Variants in PEAR1 observed in about 807,000 individuals in gnomAD.
PEAR1 encodes multiple EGF-like domains protein 12.
A neutral mutation model predicts 131.2 loss-of-function variants in PEAR1; 113 were observed. The observed-to-expected ratio is 0.86, with a 90% confidence interval of 0.74 to 1.01. PEAR1 has a LOEUF of 1.01. PEAR1 is among the 50% of genes least tolerant of loss of function. The pLI is 0.00. For synonymous variants in PEAR1, 565 were observed against 523.3 expected (o/e 1.08, Z -1.09); for missense variants, 1,408 against 1,391.1 (o/e 1.01, Z -0.19).
In PEAR1 at chr1:156,912,941, A is replaced by T; in HGVS notation, c.2381A>T (p.Tyr794Phe). The T allele has an allele frequency of 2.5e-6, 4 of 1,614,220 alleles. No individual in the cohort carries two copies. The highest frequency in any genetic ancestry group is 3.4e-6 in the Non-Finnish European group (4 of 1,180,042). Residue 794 changes from tyrosine to phenylalanine, a missense_variant, in exon 18 of 23, where the codon TAC becomes TTC. By Grantham distance (22) the Tyr-to-Phe change is conservative. Transcript: ENST00000292357. ...GKEHHHLAVAYSSGRLDGSEY... is the reference protein window; with the variant it reads ...GKEHHHLAVAFSSGRLDGSEY... ...GAGCACCACCACCTGGCTGTGGCTT[A>T]CAGCAGCGGGCGCCTGGACGGCTCC...
chr1:156,897,950 C>T (rs990046107), intron 1 of PEAR1, among the ~76,000 whole-genome samples: 2 of 151,898 alleles, frequency 1.3e-5, no homozygotes, highest in Non-Finnish European at 1.5e-5. Flanking sequence ...GGGCAGTGGC[C>T]AGAGCACTTT....
At chr1:156,896,460 G>A (rs1358234739) in intron 1 of PEAR1, among the ~76,000 whole-genome samples, 1 of 152,208 alleles carries the variant, frequency 6.6e-6, no homozygotes, top group Non-Finnish European at 1.5e-5. Flanking sequence ...CTACCAAATG[G>A]GGATGACAAT....
In PEAR1 at chr1:156,914,781, C is replaced by T. The variant is rs147358077; in HGVS notation, c.3097C>T (p.Arg1033Ter). Residue 1033 changes from arginine to a stop codon, truncating the protein, a stop_gained, in exon 23 of 23, where the codon CGA becomes TGA. Coordinates refer to ENST00000292357, the MANE Select transcript of PEAR1 (RefSeq NM_001080471.3). LOFTEE classifies it high-confidence loss of function. ...ACGGCATCCCCCATCACCTCCACTT[C>T]GACGCCAGGACCGTTGAGGAGCCAG... ...PVRHPPSPPL[R>*]RQDR The T allele has an allele frequency of 2.8e-5, 45 of 1,613,816 alleles. No homozygotes were observed. The highest frequency in any genetic ancestry group is 4.5e-5 in the East Asian group (2 of 44,884).
rs1650154792 is a variant in PEAR1, at chr1:156,905,320, G to T, written c.207-4G>T. The T allele has an allele frequency of 1.2e-6, 2 of 1,610,482 alleles. No individual in the cohort carries two copies. The highest frequency in any genetic ancestry group is 1.7e-6 in the Non-Finnish European group (2 of 1,179,496). On this transcript the variant is annotated splice_region_variant and splice_polypyrimidine_tract_variant and intron_variant, in intron 3 of 22. Coordinates refer to ENST00000292357, the MANE Select transcript of PEAR1 (RefSeq NM_001080471.3). ...GCTGAGGGCCGCCTTCCTGGCCTCC[G>T]CAGGGTTGTATACCGGACCGTGTAC...
Position 156,910,736 on chromosome 1 carries a change from C to T in PEAR1, c.1944C>T (p.Cys648=). 6.2e-7 allele frequency: 1 copy of T among 1,614,098 alleles called. No individual in the cohort carries two copies. Among genetic ancestry groups the T allele is most frequent in the Non-Finnish European group, 8.5e-7 (1 of 1,180,014 alleles). The change falls in exon 15 of 23, where the codon TGC becomes TGT. Residue 648 remains cysteine, a synonymous_variant. Coordinates refer to ENST00000292357, the MANE Select transcript of PEAR1 (RefSeq NM_001080471.3). ...YCLAGWTGPD[C]SQPCPPGHWG... ...TGGCTGGCTGGACAGGCCCCGACTG[C>T]TCCCAGCGTATGTGGTAGCTTGTGT... is the stretch of plus-strand genomic sequence containing the variant.
Position 156,898,846 on chromosome 1 carries a change from A to G in PEAR1, c.-10+5009A>G, listed in dbSNP as rs1023909979. 4.6e-5 allele frequency among the ~76,000 whole-genome samples: 7 copies of G among 152,360 alleles called. No individual in the cohort carries two copies. In the South Asian group the frequency reaches 1.4e-3, roughly 32 times the overall value. ...CAGTAAATACACCGTGCAACTGTAC[A>G]TGGCAGCCTTAGTATAGGAACGGAA... On this transcript the variant is annotated intron_variant, in intron 1 of 22. Coordinates refer to ENST00000292357, the MANE Select transcript of PEAR1 (RefSeq NM_001080471.3).
chr1:156,905,364 G>C lies in PEAR1; in HGVS notation c.247G>C (p.Asp83His). Reference sequence around the variant, plus strand: ...CGTGTACCGTCAGGTGGTGAAGACGGACCACCGCCAGCGCCTGCAGTGCTG... The same window carrying C: ...CGTGTACCGTCAGGTGGTGAAGACGCACCACCGCCAGCGCCTGCAGTGCTG... The part of the protein sequence containing the change: ...RTVYRQVVKT[D>H]HRQRLQCCHG... Residue 83 changes from aspartate (D) to histidine (H), a missense_variant, in exon 4 of 23, where the codon GAC becomes CAC. Asp to His is a moderately conservative substitution (Grantham distance 81). Transcript: ENST00000292357. 2 of 1,611,898 alleles carry C rather than the reference G, an allele frequency of 1.2e-6. No homozygotes were observed. Among genetic ancestry groups the C allele is most frequent in the East Asian group, 4.5e-5 (2 of 44,874 alleles).
chr1:156,910,743 C>T lies in PEAR1; in HGVS notation c.1951C>T (p.Pro651Ser), dbSNP rs751608905. Reference sequence around the variant, plus strand: ...CTGGACAGGCCCCGACTGCTCCCAGCGTATGTGGTAGCTTGTGTGTCTGAG... The same window carrying T: ...CTGGACAGGCCCCGACTGCTCCCAGTGTATGTGGTAGCTTGTGTGTCTGAG... ...AGWTGPDCSQ[P>S]CPPGHWGENC... The change falls in exon 15 of 23, where the codon CCA (proline) becomes TCA (serine). Residue 651 changes from proline to serine, a missense_variant and splice_region_variant. Physicochemically the swap from Pro to Ser is moderately conservative, Grantham distance 74. Transcript: ENST00000292357. The T allele has an allele frequency of 1.9e-6, 3 of 1,613,972 alleles. No homozygotes were observed. Among genetic ancestry groups the T allele is most frequent in the East Asian group, 4.5e-5 (2 of 44,892 alleles).
Position 156,908,568 on chromosome 1 carries a change from G to T in PEAR1, c.1116-87G>T. The T allele has an allele frequency of 7.5e-7, 1 of 1,339,968 alleles. No individual in the cohort carries two copies. Among genetic ancestry groups the T allele is most frequent in the South Asian group, 1.5e-5 (1 of 67,360 alleles). The allele number at this position is 1,339,968 out of a possible 1,614,324, so 83.0% of individuals were successfully genotyped here. A position where few individuals can be genotyped will look rare whatever the true frequency, so the allele number is the denominator to read the frequency against. On this transcript the variant is annotated intron_variant, in intron 9 of 22. Coordinates refer to ENST00000292357, the MANE Select transcript of PEAR1 (RefSeq NM_001080471.3). This position sits in a 1 kb window ranked among gnomAD's most constrained non-coding sequence, Gnocchi z 4.2. ...TGACCCCCTTACCCCAGCGATGTGCGAATCCCACTGACCACGCGGAGGGGT... is the reference window on the plus strand; with the variant it reads ...TGACCCCCTTACCCCAGCGATGTGCTAATCCCACTGACCACGCGGAGGGGT...
At position 156,908,103 on chromosome 1, in the gene PEAR1, C is replaced by T; in HGVS notation, c.903-25C>T. 6.3e-7 allele frequency: 1 copy of T among 1,588,936 alleles called. No homozygotes were observed. The highest frequency in any genetic ancestry group is 1.7e-5 in the Admixed American group (1 of 57,688). On this transcript the variant is annotated intron_variant, in intron 8 of 22. Transcript: ENST00000292357. This position sits in a 1 kb window ranked among gnomAD's most constrained non-coding sequence, Gnocchi z 4.2. ...CGGGAGGGAGGAGGTGGGGCGCCGC[C>T]AGGCTCACTCAGCTAGGTGCCCAGG... is the stretch of plus-strand genomic sequence containing the variant.
chr1:156,905,257 C>G, intron 3 of PEAR1, 67 bp from the exon 4 acceptor site: 1 of 1,517,034 alleles, frequency 6.6e-7, no homozygotes, highest in Non-Finnish European at 9.0e-7. Flanking sequence ...CCTGGCCTCC[C>G]CCTGGCCACA....
At chr1:156,911,793 C>A (rs1044506038) in intron 15 of PEAR1, among the ~76,000 whole-genome samples, 1 of 152,066 alleles carries the variant, frequency 6.6e-6, no homozygotes, top group African/African-American at 2.4e-5. Context: ...TACCAGCAGG[C>A]GGGGTAAAGA....
Position 156,913,179 on chromosome 1 carries a change from G to A in PEAR1, c.2423-15G>A, listed in dbSNP as rs762353338. On this transcript the variant is annotated splice_polypyrimidine_tract_variant and intron_variant, in intron 18 of 22. Transcript: ENST00000292357. ...CCATCGCTGAGCTCACCCTGTGCTT[G>A]TGTCTGTCATGCAGATGTCCCTCCG... is the stretch of plus-strand genomic sequence containing the variant. The A allele has an allele frequency of 5.0e-6, 8 of 1,611,556 alleles. No homozygotes were observed. Among genetic ancestry groups the A allele is most frequent in the Non-Finnish European group, 6.8e-6 (8 of 1,178,558 alleles).
chr1:156,908,681 C>T lies in PEAR1; in HGVS notation c.1142C>T (p.Ser381Phe), dbSNP rs77795865. The T allele has an allele frequency of 0.03, 45,989 of 1,534,032 alleles. 818 individuals are homozygous for T. Among genetic ancestry groups the T allele is most frequent in the Non-Finnish European group, 0.036 (40,761 of 1,145,380 alleles). Residue 381 changes from serine to phenylalanine, a missense_variant, in exon 10 of 23, where the codon TCC (serine) becomes TTC (phenylalanine). Ser to Phe is a radical substitution (Grantham distance 155). Transcript: ENST00000292357. The surrounding 1 kb of genome is among the most constrained non-coding windows in gnomAD (Gnocchi z 4.2). ...LSCHPMNGECSCLPGWAGLHC... is the reference protein window; with the variant it reads ...LSCHPMNGECFCLPGWAGLHC... ...TGCCACCCGATGAACGGGGAGTGCT[C>T]CTGCCTGCCGGGCTGGGCGGGCCTC...
At chr1:156,911,098 C>CA (rs1651077302) in intron 15 of PEAR1, among the ~76,000 whole-genome samples, 1 of 116,426 alleles carries the variant, frequency 8.6e-6, no homozygotes. Flanking sequence ...TCTTTCCTTT[C>CA]TTTCTTTCTT....
intron 1 of PEAR1, among the ~76,000 whole-genome samples, chr1:156,897,179 T>A (rs749550313): frequency 1.7e-3 from 262 of 152,276 alleles, no homozygotes; most frequent in Non-Finnish European, 3.1e-3. Context: ...TGGCCAGTCC[T>A]GGGGTTAAAG....
intron 21 of PEAR1, 27 bp from the exon 22 acceptor site, chr1:156,913,825 G>A (rs61813833): frequency 0.04 from 65,154 of 1,610,586 alleles, 1,695 homozygotes; most frequent in South Asian, 0.093. Context: ...GCCTCCATGC[G>A]GCCTGACTTC....
rs765216175 is a variant in PEAR1 at position 156,912,855 on chromosome 1, G to T, written c.2295G>T (p.Gly765=). The T allele has an allele frequency of 6.2e-7, 1 of 1,614,230 alleles. No individual in the cohort carries two copies. The highest frequency in any genetic ancestry group is 8.5e-7 in the Non-Finnish European group (1 of 1,180,036). The change falls in exon 18 of 23, where the codon GGG becomes GGT. Residue 765 remains glycine (G), a synonymous_variant. Coordinates refer to ENST00000292357, the MANE Select transcript of PEAR1 (RefSeq NM_001080471.3). ...CAGTGATTGGCATTGCAGTGCTGGG[G>T]TCCCTTGTGGTAGCCCTGGTGGCAC... is the stretch of plus-strand genomic sequence containing the variant. ...LGAVIGIAVL[G]SLVVALVALF... is the part of the protein sequence containing the mutation.
At chr1:156,899,295 G>C (rs1396832134) in intron 1 of PEAR1, among the ~76,000 whole-genome samples, 1 of 152,178 alleles carries the variant, frequency 6.6e-6, no homozygotes, top group Non-Finnish European at 1.5e-5. Flanking sequence ...GGAGAAGAGA[G>C]GAGGGGGCAG....
Sources: allele counts gnomAD v4.1 joint callset (sites outside exome capture counted in the v4.1 genomes callset), GRCh38; gene constraint gnomAD v4.1.1; non-coding constraint Gnocchi (gnomAD v3.1); transcripts MANE v1.5; gene names NCBI Gene and HGNC (gene_info 2026-07-23, HGNC 2026-07-21).